Variants in STIM1 observed in about 807,000 individuals in gnomAD.
STIM1 encodes the protein stromal interaction molecule 1.
Under a neutral mutation model 74.7 loss-of-function variants are expected in STIM1, and 25 were observed. That is an observed-to-expected ratio of 0.33 (90% CI 0.24 to 0.47). The LOEUF is 0.47. Among genes scored for constraint, STIM1 ranks in the 20% least tolerant of loss-of-function variants. The pLI is 1.00. For missense variants in STIM1, 728 were observed against 920.8 expected, an observed-to-expected ratio of 0.79 and a Z score of 2.71; for synonymous variants, 328 against 348.8, an observed-to-expected ratio of 0.94 and a Z score of 0.66.
intron 1 of STIM1, among the ~76,000 whole-genome samples, chr11:3,879,766 T>G (rs886880935): frequency 1.3e-4 from 20 of 152,212 alleles, no homozygotes; most frequent in African/African-American, 3.9e-4. Context: ...GTTTTTTTCC[T>G]TACCATTTCC....
chr11:3,967,423 C>A, intron 1 of STIM1, 129 bp from the exon 2 acceptor site: 1 of 1,382,338 alleles, frequency 7.2e-7, no homozygotes, highest in Non-Finnish European at 1.0e-6. Flanking sequence ...ACCTCTGTCA[C>A]TGTACAAGTA....
rs956227299 is a variant in STIM1 at position 3,946,527 on chromosome 11, A to G, written c.140-21025A>G. Reference sequence around the variant, plus strand: ...ATTCTTAGCATTTCTGGCCTTTTCTATCTGCCTGCCCTGCTTGTTCTTCGT... The same window carrying G: ...ATTCTTAGCATTTCTGGCCTTTTCTGTCTGCCTGCCCTGCTTGTTCTTCGT... On this transcript the variant is annotated intron_variant, in intron 1 of 12. Transcript: ENST00000526596. 3.9e-5 allele frequency among the ~76,000 whole-genome samples: 6 copies of G among 152,212 alleles called. No individual in the cohort carries two copies. In the East Asian group the frequency reaches 5.8e-4, roughly 15 times the overall value.
At chr11:4,021,966 A>T (rs2923951) in intron 2 of STIM1, among the ~76,000 whole-genome samples, 121,691 of 151,872 alleles carry the variant, frequency 0.8, 51,042 homozygotes, top group East Asian at 0.95. Flanking sequence ...GATTTTTTTT[A>T]ATTTCTTTTT....
intron 3 of STIM1, among the ~76,000 whole-genome samples, chr11:4,028,992 C>T (rs2094023685): frequency 6.6e-6 from 1 of 151,858 alleles, no homozygotes; most frequent in Non-Finnish European, 1.5e-5. Context: ...TCAAGACCAG[C>T]CTGGCCAACA....
At chr11:3,904,196 C>CTAAAAAA (rs2092418369) in intron 1 of STIM1, among the ~76,000 whole-genome samples, 1 of 73,876 alleles carries the variant, frequency 1.4e-5, no homozygotes, top group Non-Finnish European at 2.4e-5. Flanking sequence ...GACTCTGTCT[C>CTAAAAAA]AAAAAAAAAA....
chr11:4,008,234 T>C (rs2093801994), intron 2 of STIM1, among the ~76,000 whole-genome samples: 1 of 152,140 alleles, frequency 6.6e-6, no homozygotes, highest in Non-Finnish European at 1.5e-5. Context: ...GTTGTACAAG[T>C]TTGTAGCCTA....
In STIM1 at chr11:4,052,999, A is replaced by G. The variant is rs1010881748; in HGVS notation, c.386-2527A>G. 4.6e-5 allele frequency among the ~76,000 whole-genome samples: 7 copies of G among 152,256 alleles called. No homozygotes were observed. The East Asian group carries it at 7.7e-4, about 17-fold the overall frequency. ...GGAAAAATGCTCATCGTCACTGGCC[A>G]TCAGAGAAATGCAAATCAAAACCGC... On this transcript the variant is annotated intron_variant, in intron 3 of 12. Coordinates refer to ENST00000526596, the MANE Select transcript of STIM1 (RefSeq NM_001382567.1).
chr11:4,025,975 G>A (rs1337464383), intron 3 of STIM1, among the ~76,000 whole-genome samples: 2 of 152,112 alleles, frequency 1.3e-5, no homozygotes, highest in Non-Finnish European at 2.9e-5. Flanking sequence ...GTTATACCTG[G>A]TGATTTGACA....
chr11:3,988,872 A>G (rs1388119871), intron 2 of STIM1, among the ~76,000 whole-genome samples: 1 of 152,234 alleles, frequency 6.6e-6, no homozygotes, highest in Non-Finnish European at 1.5e-5. Flanking sequence ...ACTAACCCCC[A>G]TCTATGGAGT....
chr11:3,928,606 T>C (rs979518130), intron 1 of STIM1, among the ~76,000 whole-genome samples: 36 of 152,188 alleles, frequency 2.4e-4, no homozygotes, highest in Non-Finnish European at 4.7e-4. Context: ...TGTGTGTGTG[T>C]GCGCGTGTGT....
chr11:4,085,147 C>G lies in STIM1; in HGVS notation c.1567+382C>G, dbSNP rs560776108. ...CCCCTTCTTTCTCCCCCTTCCCCCC[C>G]CTATTCCAGACTTCCTCATCCTCTT... is the stretch of plus-strand genomic sequence containing the variant. On this transcript the variant is annotated intron_variant, in intron 11 of 12. Coordinates refer to ENST00000526596, the MANE Select transcript of STIM1 (RefSeq NM_001382567.1). 2.6e-3 allele frequency among the ~76,000 whole-genome samples: 398 copies of G among 151,470 alleles called. 4 individuals are homozygous for G. Among genetic ancestry groups the G allele is most frequent in the African/African-American group, 8.8e-3 (362 of 41,034 alleles).
chr11:3,908,229 A>G (rs1330367386), intron 1 of STIM1, among the ~76,000 whole-genome samples: 2 of 152,204 alleles, frequency 1.3e-5, no homozygotes, highest in African/African-American at 2.4e-5. Flanking sequence ...TGGGCCTGGT[A>G]TATTTCTTGA....
intron 1 of STIM1, among the ~76,000 whole-genome samples, chr11:3,904,511 G>A (rs1309466670): frequency 6.6e-6 from 1 of 152,188 alleles, no homozygotes; most frequent in Non-Finnish European, 1.5e-5. Flanking sequence ...TTGGAGTTAA[G>A]CTTTACCGTC....
At chr11:3,912,673 T>G (rs1242394971) in intron 1 of STIM1, among the ~76,000 whole-genome samples, 1 of 152,194 alleles carries the variant, frequency 6.6e-6, no homozygotes, top group African/African-American at 2.4e-5. Flanking sequence ...GCCAAATCAT[T>G]TGTTTAATAA....
At chr11:4,069,892 A>C in intron 5 of STIM1, 134 bp from the exon 6 acceptor site, 4 of 957,136 alleles carry the variant, frequency 4.2e-6, no homozygotes, top group African/African-American at 1.6e-5. Context: ...GTATCTAAGA[A>C]GAGAAACTAA....
At chr11:3,894,905 ATTT>A (rs35236633) in intron 1 of STIM1, among the ~76,000 whole-genome samples, 3 of 113,228 alleles carry the variant, frequency 2.6e-5, no homozygotes, top group Non-Finnish European at 1.7e-5. Context: ...CGCCTGGCTA[ATTT>A]TTTTTTTTTT....
At chr11:3,942,426 G>A (rs960679980) in intron 1 of STIM1, among the ~76,000 whole-genome samples, 1 of 152,176 alleles carries the variant, frequency 6.6e-6, no homozygotes, top group Non-Finnish European at 1.5e-5. Context: ...GGCATTTGGG[G>A]TAGTGTTGAG....
At chr11:3,913,176 C>A (rs1358734994) in intron 1 of STIM1, among the ~76,000 whole-genome samples, 1 of 152,038 alleles carries the variant, frequency 6.6e-6, no homozygotes, top group Non-Finnish European at 1.5e-5. Context: ...CAAATTGCTG[C>A]AGTATCAAGT....
chr11:4,028,156 C>T (rs538211576), intron 3 of STIM1, among the ~76,000 whole-genome samples: 1 of 152,128 alleles, frequency 6.6e-6, no homozygotes, highest in African/African-American at 2.4e-5. Flanking sequence ...GATCTTTGCT[C>T]ACTGCAGCCT....
Sources: gnomAD v4.1 joint callset for allele counts (sites outside exome capture counted in the v4.1 genomes callset) on GRCh38, gnomAD v4.1.1 for gene constraint, MANE v1.5 for transcripts, NCBI Gene and HGNC (gene_info 2026-07-23, HGNC 2026-07-21) for gene names.